Variants in CERS2 observed in about 807,000 individuals in gnomAD.
The protein encoded by CERS2 is ceramide synthase 2, also known as LAG1 homolog, ceramide synthase 2.
In CERS2, 20 loss-of-function variants were observed where a neutral mutation model predicts 56.6. That is an observed-to-expected ratio of 0.35 (90% CI 0.25 to 0.51). CERS2 has a LOEUF of 0.51. Ranked by LOEUF, CERS2 falls within the 20% of genes least tolerant of loss-of-function variation. The probability of loss-of-function intolerance (pLI) is 0.96; values close to 1 mark genes in which losing one functional copy is unlikely to be tolerated. For missense variants in CERS2, 361 were observed against 488.6 expected, an observed-to-expected ratio of 0.74 and a Z score of 2.46; for synonymous variants, 187 against 175.4, an observed-to-expected ratio of 1.07 and a Z score of -0.52.
chr1:150,966,711 T>C lies in CERS2; in HGVS notation c.848+45A>G, dbSNP rs587712468. The C allele has an allele frequency of 3.1e-6, 5 of 1,600,682 alleles. No individual in the cohort carries two copies. The South Asian group carries it at 4.4e-5, about 14-fold the overall frequency. On this transcript the variant is annotated intron_variant, in intron 9 of 10. Coordinates refer to ENST00000368954, the MANE Select transcript of CERS2 (RefSeq NM_022075.5). ...TACAGGAGGGGAAGAAAGGCAAGGC[T>C]CCTGATTTCTTCAGAACAGGAGTGT... is the stretch of plus-strand genomic sequence containing the variant.
At position 150,967,105 on chromosome 1, in the gene CERS2, G is replaced by A; in HGVS notation, c.710C>T (p.Ala237Val). 5.0e-6 allele frequency: 8 copies of A among 1,614,084 alleles called. No homozygotes were observed. Among genetic ancestry groups the A allele is most frequent in the Non-Finnish European group, 5.1e-6 (6 of 1,179,932 alleles). The stretch of plus-strand genomic sequence containing the variant: ...CAGGTAATCGGAAGAGTCATGCAGA[G>A]CCATGATTAGAGTCCCAGCTCGGAT... ...NYIRAGTLIM[A>V]LHDSSDYLLE... Residue 237 changes from alanine to valine, a missense_variant, in exon 8 of 11, where the codon GCT (alanine) becomes GTT (valine). Physicochemically the swap from Ala to Val is moderately conservative, Grantham distance 64. Transcript: ENST00000368954.
rs986590199 is a variant in CERS2, at chr1:150,974,740, G to A, written c.-123C>T. ...CTCCTCCCTCTTCCGCCCGCCCGCC[G>A]GCCCGCGCCCGCCCTCGCCCTCCCT... On this transcript the variant is annotated 5_prime_UTR_variant, in exon 1 of 11. Transcript: ENST00000368954. The A allele has an allele frequency of 6.5e-6, 1 of 152,740 alleles. No homozygotes were observed. The highest frequency in any genetic ancestry group is 1.4e-5 in the Non-Finnish European group (1 of 69,072). 9.5% of individuals were successfully genotyped at this position (152,740 alleles called of 1,614,324 possible).
At position 150,968,087 on chromosome 1, in the gene CERS2, C is replaced by A; in HGVS notation, c.406G>T (p.Ala136Ser). 1 of 1,609,730 alleles carries A rather than the reference C, an allele frequency of 6.2e-7. No homozygotes were observed. Among genetic ancestry groups the A allele is most frequent in the Non-Finnish European group, 8.5e-7 (1 of 1,179,792 alleles). ...TTCTGCCCCAGCCTCCCCCACCTGG[C>A]TTCTCGGAACTTCTTGAGGAGACTG... The part of the protein sequence containing the change: ...RPSLLKKFRE[A>S]SWRFTFYLIA... The change falls in exon 4 of 11, where the codon GCC becomes TCC. Residue 136 changes from alanine (A) to serine (S), a missense_variant. By Grantham distance (99) the Ala-to-Ser change is moderately conservative. This residue lies in a region of CERS2 where 236 missense variants were observed against 309.2 expected (regional missense o/e 0.76). Coordinates refer to ENST00000368954, the MANE Select transcript of CERS2 (RefSeq NM_022075.5).
Position 150,967,658 on chromosome 1 carries a change from T to A in CERS2, c.519+6A>T. The A allele has an allele frequency of 6.2e-7, 1 of 1,611,458 alleles. No homozygotes were observed. Among genetic ancestry groups the A allele is most frequent in the Non-Finnish European group, 8.5e-7 (1 of 1,177,588 alleles). On this transcript the variant is annotated splice_donor_region_variant and intron_variant, in intron 6 of 10. Transcript: ENST00000368954. Reference sequence around the variant, plus strand: ...CCACCCCCACATGAGGAAGCAGAACTCATACCTGTATGGGATATCCCTCCC... The same window carrying A: ...CCACCCCCACATGAGGAAGCAGAACACATACCTGTATGGGATATCCCTCCC...
intron 9 of CERS2, 53 bp from the exon 10 acceptor site, chr1:150,966,682 G>T (rs1414699681): frequency 6.2e-6 from 10 of 1,606,616 alleles, no homozygotes; most frequent in Non-Finnish European, 8.5e-6. Context: ...AGACACCGGG[G>T]AGATACAGGA....
chr1:150,971,775 T>C, intron 1 of CERS2: 1 of 457,882 alleles, frequency 2.2e-6, no homozygotes, highest in Non-Finnish European at 4.5e-6. Flanking sequence ...CACTTTGATG[T>C]GTGCACATGG....
Position 150,970,227 on chromosome 1 carries a change from C to CAAA in CERS2, c.-1-1139_-1-1137dup, listed in dbSNP as rs35333038. On this transcript the variant is annotated intron_variant, in intron 1 of 10. Coordinates refer to ENST00000368954, the MANE Select transcript of CERS2 (RefSeq NM_022075.5). ...TGGGTAACACAGTGAGACTCTGTCT[C>CAAA]AAAAAAAAAAAAAAAAAAAAAAAAG... Among the ~76,000 whole-genome samples the CAAA allele has an allele frequency of 2.5e-3, 128 of 51,134 alleles. 4 individuals are homozygous for CAAA. Among genetic ancestry groups the CAAA allele is most frequent in the Middle Eastern group, 0.014 (1 of 72 alleles). 33.5% of individuals were successfully genotyped at this position (51,134 alleles called of 152,430 possible).
At chr1:150,967,529 C>A (rs373275284) in intron 6 of CERS2, 45 bp from the exon 7 acceptor site, 1 of 1,386,914 alleles carries the variant, frequency 7.2e-7, no homozygotes, top group Admixed American at 1.7e-5. Flanking sequence ...GCAAGGGTGT[C>A]CCCACTCCAC....
chr1:150,967,449 A>C lies in CERS2; in HGVS notation c.555T>G (p.Ile185Met), dbSNP rs1320706497. The change falls in exon 7 of 11, where the codon ATT (isoleucine) becomes ATG (methionine). Residue 185 changes from isoleucine to methionine, a missense_variant. Transcript: ENST00000368954. ...GCAGGGACCAGTAGAAGGAAAGTTC[A>C]ATCATGTAGTACCAATACTGGGAAG... ...TIPSQYWYYM[I>M]ELSFYWSLLF... 6.2e-7 allele frequency: 1 copy of C among 1,601,612 alleles called. No homozygotes were observed. Among genetic ancestry groups the C allele is most frequent in the Non-Finnish European group, 8.6e-7 (1 of 1,168,664 alleles).
rs1671078292 is a variant in CERS2, at chr1:150,968,214, A to G, written c.292-13T>C. Reference sequence around the variant, plus strand: ...GCTCTACTTCCACCTGGGCACAGTGAAGAAGCCCATTGTTATGTTTACCTT... The same window carrying G: ...GCTCTACTTCCACCTGGGCACAGTGGAGAAGCCCATTGTTATGTTTACCTT... On this transcript the variant is annotated splice_polypyrimidine_tract_variant and intron_variant, in intron 3 of 10. Coordinates refer to ENST00000368954, the MANE Select transcript of CERS2 (RefSeq NM_022075.5). 1.2e-6 allele frequency: 2 copies of G among 1,607,334 alleles called. No homozygotes were observed.
rs1671001081 is a variant in CERS2 at position 150,966,070 on chromosome 1, A to C, written c.*78T>G. The C allele has an allele frequency of 7.2e-7, 1 of 1,393,616 alleles. No homozygotes were observed. The allele number at this position is 1,393,616 out of a possible 1,614,324, so 86.3% of individuals were successfully genotyped here. ...ACTTTCTCCTTTTTCCCCAGAGCTTAAAGTGACCCTATAGCGCAGGGAGCG... is the reference window on the plus strand; with the variant it reads ...ACTTTCTCCTTTTTCCCCAGAGCTTCAAGTGACCCTATAGCGCAGGGAGCG... On this transcript the variant is annotated 3_prime_UTR_variant, in exon 11 of 11. Transcript: ENST00000368954.
At chr1:150,974,387 G>A (rs1052144805) in intron 1 of CERS2, 86 of 149,472 alleles carry the variant, frequency 5.8e-4, no homozygotes, top group Admixed American at 5.6e-3. Context: ...AGGCCCGCCG[G>A]CCCCGGCCGC....
chr1:150,967,578 T>C, intron 6 of CERS2, 86 bp downstream of exon 6: 2 of 1,442,264 alleles, frequency 1.4e-6, no homozygotes, highest in East Asian at 2.3e-5. Flanking sequence ...TCCATCACTC[T>C]AATCCCTCTG....
chr1:150,968,241 G>C, intron 3 of CERS2, 40 bp from the exon 4 acceptor site: 1 of 1,589,350 alleles, frequency 6.3e-7, no homozygotes, highest in Non-Finnish European at 8.6e-7. Context: ...GTTTACCTTC[G>C]GAACTCAGCA....
chr1:150,973,753 A>C (rs775828060), intron 1 of CERS2, among the ~76,000 whole-genome samples: 1 of 152,224 alleles, frequency 6.6e-6, no homozygotes, highest in African/African-American at 2.4e-5. Flanking sequence ...CTCCAGGAAC[A>C]GGGGCTCACT....
At chr1:150,971,273 T>C (rs1320794579) in intron 1 of CERS2, among the ~76,000 whole-genome samples, 4 of 152,192 alleles carry the variant, frequency 2.6e-5, no homozygotes, top group African/African-American at 7.2e-5. Context: ...ACCTGGAGAC[T>C]AGTTGGTGCC....
At position 150,967,401 on chromosome 1, in the gene CERS2, G is replaced by T; in HGVS notation, c.603C>A (p.Val201=). Residue 201 remains valine, a synonymous_variant, in exon 7 of 11, where the codon GTC becomes GTA. Transcript: ENST00000368954. ...WSLLFSIASD[V]KRKDFKEQII... ...CAACCCCTTCACCCACCTTTCGCTT[G>T]ACATCAGAGGCAATGCTGAAGAGCA... is the stretch of plus-strand genomic sequence containing the variant. 1 of 1,595,324 alleles carries T rather than the reference G, an allele frequency of 6.3e-7. No individual in the cohort carries two copies. The highest frequency in any genetic ancestry group is 1.1e-5 in the South Asian group (1 of 90,666).
Position 150,965,356 on chromosome 1 carries a change from TGCTA to T in CERS2, c.*788_*791del, listed in dbSNP as rs763796538. ...ATGGTCCCTCTGCTGAAATGCTAGGTGCTAGCCGTAATTCTGGCTTTAAAACCAA... is the reference window on the plus strand; with the variant it reads ...ATGGTCCCTCTGCTGAAATGCTAGGTGCCGTAATTCTGGCTTTAAAACCAA... On this transcript the variant is annotated 3_prime_UTR_variant, in exon 11 of 11. Coordinates refer to ENST00000368954, the MANE Select transcript of CERS2 (RefSeq NM_022075.5). 1.3e-5 allele frequency: 2 copies of T among 152,526 alleles called. No homozygotes were observed. The highest frequency in any genetic ancestry group is 2.9e-5 in the Non-Finnish European group (2 of 68,034). 9.4% of individuals were successfully genotyped at this position (152,526 alleles called of 1,614,324 possible). A position where few individuals can be genotyped will look rare whatever the true frequency, so the allele number is the denominator to read the frequency against.
At chr1:150,966,455 A>G in intron 10 of CERS2, 21 bp downstream of exon 10, 1 of 1,613,964 alleles carries the variant, frequency 6.2e-7, no homozygotes, top group Non-Finnish European at 8.5e-7. Flanking sequence ...TAAGGCCTAC[A>G]CAATGGGAAC....
Sources: gnomAD v4.1 joint callset for allele counts (sites outside exome capture counted in the v4.1 genomes callset) on GRCh38, gnomAD v4.1.1 for gene constraint, gnomAD v4.1.1 regional missense constraint, MANE v1.5 for transcripts, NCBI Gene and HGNC (gene_info 2026-07-23, HGNC 2026-07-21) for gene names.